GREM2: variants seen among roughly 807,000 people sequenced by gnomAD.
GREM2 encodes gremlin 2, DAN family BMP antagonist.
Under a neutral mutation model 14.2 loss-of-function variants are expected in GREM2, and 11 were observed. That is an observed-to-expected ratio of 0.78 (90% CI 0.49 to 1.28). The LOEUF is 1.28. Among genes scored for constraint, GREM2 ranks in the 50% most tolerant of loss-of-function variants. GREM2 has a pLI of 0.00. For synonymous variants in GREM2, 98 were observed against 97.6 expected (o/e 1.00, Z -0.02); for missense variants, 210 against 218.5 (o/e 0.96, Z 0.24).
intron 1 of GREM2, among the ~76,000 whole-genome samples, chr1:240,503,838 G>A (rs1186196729): frequency 6.6e-6 from 1 of 152,168 alleles, no homozygotes; most frequent in African/African-American, 2.4e-5. Flanking sequence ...TAGATGTGGT[G>A]TAGCTATTGT....
chr1:240,501,156 C>T (rs1048085583), intron 1 of GREM2, among the ~76,000 whole-genome samples: 6 of 152,024 alleles, frequency 3.9e-5, no homozygotes, highest in African/African-American at 9.7e-5. Flanking sequence ...ACAACTTACC[C>T]GAAGTGAGAG....
intron 1 of GREM2, among the ~76,000 whole-genome samples, chr1:240,608,022 C>T (rs1022324183): frequency 3.3e-5 from 5 of 152,174 alleles, no homozygotes; most frequent in East Asian, 1.9e-4. Context: ...TTGTTATTAT[C>T]TTATAATTAT....
chr1:240,529,303 C>G (rs1270411487), intron 1 of GREM2, among the ~76,000 whole-genome samples: 1 of 125,408 alleles, frequency 8.0e-6, no homozygotes, highest in Non-Finnish European at 1.6e-5. Flanking sequence ...GTTTGTTAAA[C>G]TGGTGATTGT....
intron 1 of GREM2, among the ~76,000 whole-genome samples, chr1:240,599,580 C>A (rs367727538): frequency 6.6e-6 from 1 of 152,142 alleles, no homozygotes; most frequent in African/African-American, 2.4e-5. Context: ...ACCAAATAAA[C>A]CAGTCCAAAT....
chr1:240,583,544 T>G (rs1449136247), intron 1 of GREM2, among the ~76,000 whole-genome samples: 1 of 152,152 alleles, frequency 6.6e-6, no homozygotes, highest in East Asian at 1.9e-4. Flanking sequence ...AAATTCTAGT[T>G]TCTAAATCAC....
At chr1:240,510,495 T>A (rs570378559) in intron 1 of GREM2, among the ~76,000 whole-genome samples, 67 of 150,558 alleles carry the variant, frequency 4.5e-4, no homozygotes, top group African/African-American at 1.6e-3. Context: ...AGCTCCTTAA[T>A]GAGTACGGGG....
chr1:240,564,591 T>C (rs1408952658), intron 1 of GREM2, among the ~76,000 whole-genome samples: 3 of 152,162 alleles, frequency 2.0e-5, no homozygotes, highest in Non-Finnish European at 4.4e-5. Context: ...TGTGTCAGTC[T>C]GTACTTCCAT....
chr1:240,593,549 G>T (rs1934342), intron 1 of GREM2, among the ~76,000 whole-genome samples: 1 of 152,042 alleles, frequency 6.6e-6, no homozygotes, highest in Non-Finnish European at 1.5e-5. Context: ...AAATGAGATC[G>T]TGAACAAAAG....
chr1:240,564,222 AG>A (rs1679131645), intron 1 of GREM2, among the ~76,000 whole-genome samples: 3 of 151,278 alleles, frequency 2.0e-5, no homozygotes, highest in Admixed American at 2.0e-4. Context: ...ATAAATAAAT[AG>A]GGCTGGGTGT....
At chr1:240,560,969 T>A (rs552233129) in intron 1 of GREM2, among the ~76,000 whole-genome samples, 1 of 152,310 alleles carries the variant, frequency 6.6e-6, no homozygotes, top group Admixed American at 6.5e-5. Context: ...TAACTCCTGG[T>A]GACCCAACCC....
At chr1:240,544,775 A>G (rs1678680437) in intron 1 of GREM2, among the ~76,000 whole-genome samples, 1 of 152,046 alleles carries the variant, frequency 6.6e-6, no homozygotes, top group East Asian at 1.9e-4. Context: ...CCCTTTCTCT[A>G]TCTACAAAGC....
At chr1:240,537,389 G>A (rs1678496844) in intron 1 of GREM2, among the ~76,000 whole-genome samples, 1 of 152,148 alleles carries the variant, frequency 6.6e-6, no homozygotes, top group Non-Finnish European at 1.5e-5. Context: ...GTTCTCTGAA[G>A]TTGTCTACCC....
At position 240,493,292 on chromosome 1, in the gene GREM2, C is replaced by T; in HGVS notation, c.184G>A (p.Val62Ile). 2 of 1,614,022 alleles carry T rather than the reference C, an allele frequency of 1.2e-6. No individual in the cohort carries two copies. The highest frequency in any genetic ancestry group is 1.7e-6 in the Non-Finnish European group (2 of 1,179,968). ...VLASSQEALV[V>I]TERKYLKSDW... The stretch of plus-strand genomic sequence containing the variant: ...CTCTTGAGGTACTTGCGCTCGGTGA[C>T]CACCAGGGCCTCCTGGCTGGAGGCC... Residue 62 changes from valine (V) to isoleucine (I), a missense_variant, in exon 2 of 2, where the codon GTC becomes ATC. Val to Ile is a conservative substitution (Grantham distance 29, BLOSUM62 3). Transcript: ENST00000318160.
chr1:240,606,723 G>A (rs1417019582), intron 1 of GREM2, among the ~76,000 whole-genome samples: 1 of 147,478 alleles, frequency 6.8e-6, no homozygotes, highest in Non-Finnish European at 1.5e-5. Flanking sequence ...CTGTTGCCCA[G>A]GCTGGAGTGC....
chr1:240,579,033 T>C (rs1410951880), intron 1 of GREM2, among the ~76,000 whole-genome samples: 1 of 152,160 alleles, frequency 6.6e-6, no homozygotes, highest in Non-Finnish European at 1.5e-5. Context: ...GGTCAGAAGA[T>C]GCTTTCTCTT....
At chr1:240,561,467 A>G (rs536201523) in intron 1 of GREM2, among the ~76,000 whole-genome samples, 2 of 152,214 alleles carry the variant, frequency 1.3e-5, no homozygotes, top group Non-Finnish European at 2.9e-5. Context: ...AGTCCCAAGC[A>G]AAACGTGGAA....
intron 1 of GREM2, chr1:240,530,733 G>T (rs1204925368): frequency 6.6e-6 from 1 of 152,198 alleles, no homozygotes; most frequent in Non-Finnish European, 1.5e-5. Context: ...AAAGTCCTGA[G>T]ATTCTTTCTA....
At chr1:240,534,472 G>A (rs1041864240) in intron 1 of GREM2, among the ~76,000 whole-genome samples, 5 of 151,942 alleles carry the variant, frequency 3.3e-5, no homozygotes, top group East Asian at 1.9e-4. Flanking sequence ...GGCAGATCAC[G>A]AGGTCAGGAG....
intron 1 of GREM2, among the ~76,000 whole-genome samples, chr1:240,609,037 C>T (rs558136292): frequency 7.9e-5 from 12 of 152,254 alleles, no homozygotes; most frequent in Middle Eastern, 3.4e-3. Context: ...TTAAAATATT[C>T]AGGATGTCTC....
Sources: gnomAD v4.1 joint callset for allele counts (sites outside exome capture counted in the v4.1 genomes callset) on GRCh38, gnomAD v4.1.1 for gene constraint, MANE v1.5 for transcripts, NCBI Gene and HGNC (gene_info 2026-07-23, HGNC 2026-07-21) for gene names.